The following SMG1 variants were observed in gnomAD, a reference collection of about 807,000 sequenced individuals.
SMG1 encodes serine/threonine-protein kinase SMG1.
SMG1 carries 22 observed loss-of-function variants against 419.9 expected under a neutral mutation model. That is an observed-to-expected ratio of 0.05 (90% CI 0.04 to 0.07). The LOEUF (loss-of-function observed/expected upper bound fraction) is 0.07. Ranked by LOEUF, SMG1 falls within the 10% of genes least tolerant of loss-of-function variation. The probability of loss-of-function intolerance (pLI) is 1.00; values close to 1 mark genes in which losing one functional copy is unlikely to be tolerated. For synonymous variants in SMG1, 1,538 were observed against 1,553.5 expected (o/e 0.99, Z 0.23); for missense variants, 3,185 against 4,342.0 (o/e 0.73, Z 7.49).
At chr16:18,845,729 A>G (rs1306761114) in intron 38 of SMG1, 78 bp from the exon 39 acceptor site, 7 of 1,054,482 alleles carry the variant, frequency 6.6e-6, no homozygotes, top group East Asian at 2.4e-5. Context: ...CAATTTCAAT[A>G]TATCAATTGT....
intron 1 of SMG1, among the ~76,000 whole-genome samples, chr16:18,920,258 G>A (rs190721512): frequency 1.3e-4 from 19 of 151,828 alleles, no homozygotes; most frequent in South Asian, 6.3e-4. Flanking sequence ...GGCACATGCC[G>A]GTAATCTGAT....
At position 18,808,283 on chromosome 16, in the gene SMG1, T is replaced by C. The variant is rs2031037186; in HGVS notation, c.*1286A>G. ...AAAAGTAAAGCACTTCACAGACTAA[T>C]AACTGAACTTAATAAAAGATGTTGG... On this transcript the variant is annotated 3_prime_UTR_variant, in exon 63 of 63. Coordinates refer to ENST00000446231, the MANE Select transcript of SMG1 (RefSeq NM_015092.5). 3 of 152,248 alleles carry C rather than the reference T, an allele frequency of 2.0e-5. No individual in the cohort carries two copies. Among genetic ancestry groups the C allele is most frequent in the African/African-American group, 7.2e-5 (3 of 41,466 alleles). The allele number at this position is 152,248 out of a possible 1,614,324, so 9.4% of individuals were successfully genotyped here. A position where few individuals can be genotyped will look rare whatever the true frequency, so the allele number is the denominator to read the frequency against.
chr16:18,923,890 T>C (rs892497905), intron 1 of SMG1, among the ~76,000 whole-genome samples: 5 of 152,168 alleles, frequency 3.3e-5, no homozygotes, highest in Non-Finnish European at 7.4e-5. Flanking sequence ...TAAAAATTTA[T>C]GACTTGGCAA....
intron 1 of SMG1, among the ~76,000 whole-genome samples, chr16:18,903,968 C>T (rs1445944434): frequency 2.4e-5 from 3 of 123,796 alleles, no homozygotes; most frequent in Non-Finnish European, 4.7e-5. Flanking sequence ...GATGTAGTCT[C>T]GCTCTGTCGC....
In SMG1 at chr16:18,841,613, A is replaced by G. The variant is rs1435687863; in HGVS notation, c.6648T>C (p.Gly2216=). 1 of 1,613,866 alleles carries G rather than the reference A, an allele frequency of 6.2e-7. No homozygotes were observed. Among genetic ancestry groups the G allele is most frequent in the East Asian group, 2.2e-5 (1 of 44,900 alleles). The change falls in exon 41 of 63, where the codon GGT becomes GGC. Residue 2216 remains glycine, a synonymous_variant. Transcript: ENST00000446231. ...QWVDGATPLF[G]LYKRWQQREA... Reference sequence around the variant, plus strand: ...CCCGTTGTTGCCATCGTTTGTAAAGACCAAATAAGGGTGTGGCTCCATCTA... The same window carrying G: ...CCCGTTGTTGCCATCGTTTGTAAAGGCCAAATAAGGGTGTGGCTCCATCTA...
At chr16:18,828,796 C>G (rs916451148) in intron 54 of SMG1, among the ~76,000 whole-genome samples, 3 of 152,138 alleles carry the variant, frequency 2.0e-5, no homozygotes, top group Non-Finnish European at 2.9e-5. Flanking sequence ...CTCGGGAGTT[C>G]GAGACCAGCC....
Position 18,820,131 on chromosome 16 carries a change from A to G in SMG1, c.9742-477T>C, listed in dbSNP as rs188433261. 7.5e-3 allele frequency among the ~76,000 whole-genome samples: 1,144 copies of G among 152,122 alleles called. 12 individuals are homozygous for G. The highest frequency in any genetic ancestry group is 0.026 in the African/African-American group (1,087 of 41,490). ...CAGGCACCTGCCATCGTGCCTGGCT[A>G]ATTTTTGTAGTTTTAGTAAAGACGG... On this transcript the variant is annotated intron_variant, in intron 55 of 62. Transcript: ENST00000446231.
intron 1 of SMG1, among the ~76,000 whole-genome samples, chr16:18,922,144 T>C (rs1190158579): frequency 1.3e-5 from 2 of 152,256 alleles, no homozygotes; most frequent in African/African-American, 4.8e-5. Context: ...AATATTAAAA[T>C]GTACAATTAT....
At chr16:18,909,622 G>A (rs1018261637) in intron 1 of SMG1, among the ~76,000 whole-genome samples, 2 of 152,164 alleles carry the variant, frequency 1.3e-5, no homozygotes, top group African/African-American at 4.8e-5. Context: ...TTTAATTAGA[G>A]GTCTCAAGTA....
At chr16:18,812,229 T>G (rs2031480899) in intron 60 of SMG1, 102 bp from the exon 61 acceptor site, 2 of 1,095,144 alleles carry the variant, frequency 1.8e-6, no homozygotes, top group Admixed American at 5.0e-5. Flanking sequence ...ATACCCCAAT[T>G]AAATAATCAA....
chr16:18,869,723 A>T, intron 19 of SMG1, 131 bp downstream of exon 19: 1 of 760,050 alleles, frequency 1.3e-6, no homozygotes. Context: ...AAACTAAAAT[A>T]ACCCATATGA....
At chr16:18,810,406 G>A (rs1215927205) in intron 62 of SMG1, among the ~76,000 whole-genome samples, 2 of 152,328 alleles carry the variant, frequency 1.3e-5, no homozygotes, top group East Asian at 3.9e-4. Context: ...ATCAACGGAA[G>A]AGAAGAGGGA....
rs1396703688 is a variant in SMG1 at position 18,863,831 on chromosome 16, G to A, written c.3514C>T (p.Leu1172=). ...SLNGESRKTV[L]SKPTDSSPEV... ...GGGGAAGAGTCAGTCGGTTTGGACA[G>A]CACAGTTTTTCTGGATTCACCTGAA... is the stretch of plus-strand genomic sequence containing the variant. Residue 1172 remains leucine (L), a synonymous_variant, in exon 25 of 63, where the codon CTG becomes TTG. Coordinates refer to ENST00000446231, the MANE Select transcript of SMG1 (RefSeq NM_015092.5). 2 of 1,578,912 alleles carry A rather than the reference G, an allele frequency of 1.3e-6. No homozygotes were observed. Among genetic ancestry groups the A allele is most frequent in the Non-Finnish European group, 8.7e-7 (1 of 1,152,268 alleles).
chr16:18,836,083 C>A lies in SMG1; in HGVS notation c.7907G>T (p.Gly2636Val). 2 of 1,608,058 alleles carry A rather than the reference C, an allele frequency of 1.2e-6. No homozygotes were observed. Among genetic ancestry groups the A allele is most frequent in the Non-Finnish European group, 8.5e-7 (1 of 1,177,302 alleles). The change falls in exon 48 of 63, where the codon GGC becomes GTC. Residue 2636 changes from glycine (G) to valine (V), a missense_variant. Physicochemically the swap from Gly to Val is moderately radical, Grantham distance 109 (BLOSUM62 -3). This residue lies in a region of SMG1 where 412 missense variants were observed against 546.6 expected (regional missense o/e 0.75). Transcript: ENST00000446231. ...LLQQRRSVLR[G>V]CLEQLHHYAT... ...ATAGTGATGCAGTTGCTCCAGACAG[C>A]CACGGAGCACGGAGCGCCTCTGCTG...
chr16:18,835,631 C>G (rs747980102), intron 48 of SMG1, among the ~76,000 whole-genome samples: 2 of 152,126 alleles, frequency 1.3e-5, no homozygotes, highest in South Asian at 4.1e-4. Context: ...ATTGGCCAGG[C>G]GCAGTGGCTC....
At chr16:18,840,033 TA>T (rs2033825043) in intron 41 of SMG1, 87 bp from the exon 42 acceptor site, 9 of 1,101,190 alleles carry the variant, frequency 8.2e-6, no homozygotes, top group Admixed American at 5.7e-5. Flanking sequence ...GTAGAATTTT[TA>T]AAAATGATTT....
intron 3 of SMG1, 35 bp downstream of exon 3, chr16:18,896,017 G>C (rs1423387862): frequency 1.4e-5 from 22 of 1,592,708 alleles, no homozygotes; most frequent in Non-Finnish European, 1.9e-5. Flanking sequence ...TCTTTGGAAG[G>C]TGTATGTGAT....
Position 18,842,342 on chromosome 16 carries a change from C to T in SMG1, c.6332G>A (p.Gly2111Glu). ...AMTNTEIALP[G>E]EVSARDTVTI... ...GACAGTGTCTCTGGCTGAGACTTCCCCAGGAAGAGCAATTTCAGTGTTAGT... is the reference window on the plus strand; with the variant it reads ...GACAGTGTCTCTGGCTGAGACTTCCTCAGGAAGAGCAATTTCAGTGTTAGT... The change falls in exon 40 of 63, where the codon GGG (glycine) becomes GAG (glutamate). Residue 2111 changes from glycine (G) to glutamate (E), a missense_variant. This residue lies in a region of SMG1 where 159 missense variants were observed against 196.0 expected (regional missense o/e 0.81). Transcript: ENST00000446231. The T allele has an allele frequency of 6.8e-6, 11 of 1,613,970 alleles. No individual in the cohort carries two copies. Among genetic ancestry groups the T allele is most frequent in the Non-Finnish European group, 9.3e-6 (11 of 1,179,888 alleles).
At chr16:18,842,155 G>A in intron 40 of SMG1, 53 bp downstream of exon 40, 1 of 1,547,224 alleles carries the variant, frequency 6.5e-7, no homozygotes, top group Non-Finnish European at 8.8e-7. Flanking sequence ...CTCACACAAA[G>A]CATTAGTAAG....
Sources: gnomAD v4.1 joint callset for allele counts (sites outside exome capture counted in the v4.1 genomes callset) on GRCh38, gnomAD v4.1.1 for gene constraint, gnomAD v4.1.1 regional missense constraint, MANE v1.5 for transcripts, NCBI Gene and HGNC (gene_info 2026-07-23, HGNC 2026-07-21) for gene names.